TANC1: variants seen among roughly 807,000 people sequenced by gnomAD.
The protein encoded by TANC1 is tetratricopeptide repeat, ankyrin repeat and coiled-coil containing 1.
TANC1 carries 77 observed loss-of-function variants against 149.7 expected under a neutral mutation model. The ratio of observed to expected loss-of-function variants is 0.51; its 90% CI spans 0.43 to 0.62. The LOEUF is 0.62. Ranked by LOEUF, TANC1 falls within the 20% of genes least tolerant of loss-of-function variation. The probability of loss-of-function intolerance (pLI) is 0.00; values close to 1 mark genes in which losing one functional copy is unlikely to be tolerated. For missense variants in TANC1, 1,985 were observed against 2,321.8 expected (o/e 0.85, Z 2.98); for synonymous variants, 854 against 925.0 (o/e 0.92, Z 1.39).
chr2:159,146,877 A>C (rs766435369), intron 5 of TANC1, among the ~76,000 whole-genome samples: 1 of 152,122 alleles, frequency 6.6e-6, no homozygotes, highest in Non-Finnish European at 1.5e-5. Flanking sequence ...TAAAGCTGGA[A>C]TCGCCACTGC....
chr2:159,168,596 C>A (rs1169501521), intron 8 of TANC1, among the ~76,000 whole-genome samples: 1 of 152,080 alleles, frequency 6.6e-6, no homozygotes, highest in Non-Finnish European at 1.5e-5. Flanking sequence ...GCCACTGCAC[C>A]CTGCTCTTTA....
At chr2:159,177,773 T>C (rs997805253) in intron 13 of TANC1, among the ~76,000 whole-genome samples, 1 of 152,200 alleles carries the variant, frequency 6.6e-6, no homozygotes, top group Non-Finnish European at 1.5e-5. Context: ...AAAACTCTTC[T>C]TTGCTTTTAG....
intron 4 of TANC1, among the ~76,000 whole-genome samples, chr2:159,117,768 T>G (rs1050465766): frequency 1.4e-5 from 2 of 143,854 alleles, no homozygotes; most frequent in African/African-American, 5.2e-5. Flanking sequence ...TATTCCAGTA[T>G]CCGAGAGGAC....
chr2:159,065,861 T>G, intron 2 of TANC1, 35 bp from the exon 3 acceptor site: 1 of 1,564,102 alleles, frequency 6.4e-7, no homozygotes, highest in Non-Finnish European at 8.8e-7. Flanking sequence ...CTTTCAATGT[T>G]TAATTCCTCT....
chr2:158,985,878 C>T (rs186947676), intron 1 of TANC1, among the ~76,000 whole-genome samples: 4 of 152,228 alleles, frequency 2.6e-5, no homozygotes, highest in Non-Finnish European at 4.4e-5. Flanking sequence ...CCTGACCTTG[C>T]GATCTGCCTG....
At chr2:159,008,733 T>C (rs1169465823) in intron 2 of TANC1, among the ~76,000 whole-genome samples, 3 of 152,238 alleles carry the variant, frequency 2.0e-5, no homozygotes. Flanking sequence ...TATGATGTTC[T>C]GGCTTTTGGT....
rs182262741 is a variant in TANC1 at position 159,219,261 on chromosome 2, C to T, written c.3402C>T (p.Arg1134=). ...HWQIVRLLLE[R]GCDVNLSDKQ... The stretch of plus-strand genomic sequence containing the variant: ...AGATTGTTAGACTGCTGTTGGAACG[C>T]GGCTGTGATGTGAACCTAAGTGACA... The change falls in exon 21 of 27, where the codon CGC becomes CGT. Residue 1134 remains arginine (R), a synonymous_variant. Transcript: ENST00000263635. 4.3e-5 allele frequency: 69 copies of T among 1,614,162 alleles called. No individual in the cohort carries two copies. In the East Asian group the frequency reaches 1.0e-3, roughly 23 times the overall value.
chr2:159,111,486 G>C (rs565425914), intron 4 of TANC1, among the ~76,000 whole-genome samples: 3 of 152,212 alleles, frequency 2.0e-5, no homozygotes, highest in Non-Finnish European at 4.4e-5. Context: ...CAGACATGCT[G>C]TCTCTTGATG....
Position 159,176,376 on chromosome 2 carries a change from A to G in TANC1, c.1760A>G (p.Tyr587Cys). 1.3e-6 allele frequency: 2 copies of G among 1,555,640 alleles called. No homozygotes were observed. The highest frequency in any genetic ancestry group is 1.7e-6 in the Non-Finnish European group (2 of 1,153,582). Residue 587 changes from tyrosine to cysteine, a missense_variant, in exon 13 of 27, where the codon TAC (tyrosine) becomes TGC (cysteine). Tyr to Cys is a radical substitution (Grantham distance 194). Around this residue, in one of 3 missense-constraint regions of TANC1, gnomAD observed 508 missense variants for 714.2 expected, o/e 0.71. Transcript: ENST00000263635. ...RNEQKIPEEE[Y>C]IILIDGLNEA... ...GAGCAGAAAATTCCTGAAGAAGAAT[A>G]CATTATTTTGATAGATGGCTTAAAT...
At chr2:159,055,854 G>A (rs2041809787) in intron 2 of TANC1, among the ~76,000 whole-genome samples, 2 of 152,076 alleles carry the variant, frequency 1.3e-5, no homozygotes, top group African/African-American at 4.8e-5. Context: ...GTCAGAGAAG[G>A]GAATTGCACA....
chr2:158,998,363 C>T (rs886579208), intron 1 of TANC1, among the ~76,000 whole-genome samples: 1 of 152,118 alleles, frequency 6.6e-6, no homozygotes, highest in Non-Finnish European at 1.5e-5. Flanking sequence ...CCCATCACAC[C>T]ATCTTATTTC....
At chr2:159,201,816 T>G (rs1364974352) in intron 19 of TANC1, among the ~76,000 whole-genome samples, 4 of 152,264 alleles carry the variant, frequency 2.6e-5, no homozygotes, top group African/African-American at 9.6e-5. Flanking sequence ...TGTGAACAGC[T>G]TGGCTTTAAA....
At chr2:159,145,725 T>C (rs2051998614) in intron 5 of TANC1, among the ~76,000 whole-genome samples, 1 of 152,186 alleles carries the variant, frequency 6.6e-6, no homozygotes, top group Non-Finnish European at 1.5e-5. Flanking sequence ...CCCTTTACCT[T>C]TCTCCATGCA....
Position 159,225,703 on chromosome 2 carries a change from C to T in TANC1, c.3827C>T (p.Ala1276Val), listed in dbSNP as rs749103357. The change falls in exon 24 of 27, where the codon GCG (alanine) becomes GTG (valine). Residue 1276 changes from alanine (A) to valine (V), a missense_variant. Coordinates refer to ENST00000263635, the MANE Select transcript of TANC1 (RefSeq NM_033394.3). ...KGAKLGNAAWAMATSKPDILI... is the reference protein window; with the variant it reads ...KGAKLGNAAWVMATSKPDILI... ...TGTTTTGCAGGAAATGCTGCTTGGG[C>T]GATGGCCACTTCCAAACCTGATATC... 55 of 1,613,824 alleles carry T rather than the reference C, an allele frequency of 3.4e-5. No homozygotes were observed. Among genetic ancestry groups the T allele is most frequent in the Non-Finnish European group, 4.5e-5 (53 of 1,179,828 alleles).
intron 4 of TANC1, among the ~76,000 whole-genome samples, chr2:159,133,692 C>T (rs1408931211): frequency 6.6e-6 from 1 of 152,134 alleles, no homozygotes; most frequent in Non-Finnish European, 1.5e-5. Flanking sequence ...GTTGAATAGC[C>T]TACATCCCGC....
At chr2:159,159,452 A>C (rs923445294) in intron 7 of TANC1, among the ~76,000 whole-genome samples, 2 of 151,780 alleles carry the variant, frequency 1.3e-5, no homozygotes, top group African/African-American at 4.8e-5. Flanking sequence ...AAAAAAAAAA[A>C]AAAAACTTTG....
At chr2:159,213,581 A>G (rs903689516) in intron 19 of TANC1, among the ~76,000 whole-genome samples, 1 of 152,118 alleles carries the variant, frequency 6.6e-6, no homozygotes, top group Admixed American at 6.5e-5. Context: ...TATGAATGGT[A>G]CCTGCAGTCC....
chr2:159,219,490 G>A (rs781242373), intron 21 of TANC1, 129 bp downstream of exon 21: 2 of 1,400,756 alleles, frequency 1.4e-6, no homozygotes, highest in Non-Finnish European at 2.0e-6. Context: ...AAACAGTAGA[G>A]AGAATAGGCA....
intron 19 of TANC1, among the ~76,000 whole-genome samples, chr2:159,212,273 A>T (rs1415495729): frequency 6.6e-6 from 1 of 152,148 alleles, no homozygotes; most frequent in Non-Finnish European, 1.5e-5. Context: ...CTTTGTTTTG[A>T]TTCATTCCTT....
Sources: allele counts gnomAD v4.1 joint callset (sites outside exome capture counted in the v4.1 genomes callset), GRCh38; gene constraint gnomAD v4.1.1; regional missense constraint gnomAD v4.1.1; transcripts MANE v1.5; gene names NCBI Gene and HGNC (gene_info 2026-07-23, HGNC 2026-07-21).